Variants in FRMD3 observed in about 807,000 individuals in gnomAD.
FRMD3 encodes FERM domain containing 3.
A neutral mutation model predicts 70.2 loss-of-function variants in FRMD3; 33 were observed. The ratio of observed to expected loss-of-function variants is 0.47; its 90% CI spans 0.36 to 0.63. The LOEUF (loss-of-function observed/expected upper bound fraction) is 0.63. Among genes scored for constraint, FRMD3 ranks in the 20% least tolerant of loss-of-function variants. FRMD3 has a pLI of 0.00. For missense variants in FRMD3, 632 were observed against 711.4 expected, an observed-to-expected ratio of 0.89 and a Z score of 1.27; for synonymous variants, 279 against 255.9, an observed-to-expected ratio of 1.09 and a Z score of -0.86.
chr9:83,394,379 T>A (rs921040887), intron 1 of FRMD3, among the ~76,000 whole-genome samples: 5 of 152,170 alleles, frequency 3.3e-5, no homozygotes, highest in Non-Finnish European at 7.3e-5. Context: ...TGATTAGGGA[T>A]GGCTGGGTAA....
chr9:83,504,757 T>G (rs1829146048), intron 1 of FRMD3, among the ~76,000 whole-genome samples: 1 of 152,174 alleles, frequency 6.6e-6, no homozygotes. Flanking sequence ...TCACATCACC[T>G]GTGATAATTT....
At chr9:83,257,012 C>T (rs1832738421) in intron 13 of FRMD3, among the ~76,000 whole-genome samples, 1 of 152,166 alleles carries the variant, frequency 6.6e-6, no homozygotes, top group Middle Eastern at 3.2e-3. Context: ...CCAGCAATCT[C>T]ATTACTGGGT....
chr9:83,300,132 C>T (rs972639702), intron 10 of FRMD3, among the ~76,000 whole-genome samples: 15 of 152,212 alleles, frequency 9.9e-5, no homozygotes, highest in East Asian at 7.7e-4. Flanking sequence ...GAAGTTTCAG[C>T]GCAGTGATCC....
At chr9:83,288,813 A>G (rs990677639) in intron 13 of FRMD3, among the ~76,000 whole-genome samples, 7 of 152,244 alleles carry the variant, frequency 4.6e-5, no homozygotes, top group Admixed American at 4.6e-4. Context: ...AAATGGAGCA[A>G]AACAGATGTC....
intron 1 of FRMD3, among the ~76,000 whole-genome samples, chr9:83,436,555 T>C (rs1827140035): frequency 6.6e-6 from 1 of 151,550 alleles, no homozygotes; most frequent in Admixed American, 6.6e-5. Flanking sequence ...AAGAGATCAT[T>C]TGAAATATTG....
intron 13 of FRMD3, among the ~76,000 whole-genome samples, chr9:83,262,881 T>A (rs1250025837): frequency 6.6e-6 from 1 of 152,182 alleles, no homozygotes; most frequent in African/African-American, 2.4e-5. Context: ...TATGGCCCAT[T>A]TCTCTCCAAA....
At chr9:83,560,736 C>T in the FRMD3 span, among the ~76,000 whole-genome samples, 2 of 152,282 alleles carry the variant, frequency 1.3e-5, no homozygotes, top group Admixed American at 6.5e-5. Flanking sequence ...GAAATATAAG[C>T]AGAAGTGTTA....
chr9:83,558,408 A>G, the FRMD3 span, among the ~76,000 whole-genome samples: 7 of 152,334 alleles, frequency 4.6e-5, no homozygotes, highest in African/African-American at 1.7e-4. Context: ...TGATTAGTCA[A>G]TTTTATTAGT....
At chr9:83,452,724 C>T (rs922748688) in intron 1 of FRMD3, among the ~76,000 whole-genome samples, 16 of 152,102 alleles carry the variant, frequency 1.1e-4, no homozygotes, top group East Asian at 7.7e-4. Flanking sequence ...CCTCATGATC[C>T]GCCCGTCTCG....
At chr9:83,549,111 C>A in the FRMD3 span, among the ~76,000 whole-genome samples, 1 of 151,974 alleles carries the variant, frequency 6.6e-6, no homozygotes, top group African/African-American at 2.4e-5. Context: ...TTGTAACCTG[C>A]CCCCTCAAGA....
intron 1 of FRMD3, among the ~76,000 whole-genome samples, chr9:83,405,749 C>T (rs907557152): frequency 5.4e-5 from 8 of 148,218 alleles, no homozygotes; most frequent in East Asian, 2.0e-4. Flanking sequence ...GCAACAAGAG[C>T]GAAACTCAGT....
the FRMD3 span, among the ~76,000 whole-genome samples, chr9:83,572,211 C>T: frequency 6.6e-6 from 1 of 151,674 alleles, no homozygotes; most frequent in Non-Finnish European, 1.5e-5. Flanking sequence ...GTGGTAACAG[C>T]ACATTTGTAG....
intron 5 of FRMD3, among the ~76,000 whole-genome samples, chr9:83,338,475 T>A (rs1047260419): frequency 6.6e-6 from 1 of 152,174 alleles, no homozygotes; most frequent in Non-Finnish European, 1.5e-5. Flanking sequence ...AACTTGGGTG[T>A]TTATTGTTAG....
intron 1 of FRMD3, among the ~76,000 whole-genome samples, chr9:83,513,150 G>A (rs1405835710): frequency 6.6e-6 from 1 of 152,174 alleles, no homozygotes; most frequent in Non-Finnish European, 1.5e-5. Context: ...AAACCCAACA[G>A]ATCTTACCTC....
intron 6 of FRMD3, among the ~76,000 whole-genome samples, chr9:83,316,148 C>CTTTTTT (rs369641019): frequency 2.2e-5 from 3 of 134,510 alleles, no homozygotes; most frequent in African/African-American, 2.8e-5. Context: ...TCTTTTTTCT[C>CTTTTTT]TTTTTTTTTT....
At chr9:83,357,199 A>C (rs1429429047) in intron 3 of FRMD3, among the ~76,000 whole-genome samples, 1 of 112,326 alleles carries the variant, frequency 8.9e-6, no homozygotes, top group Non-Finnish European at 1.9e-5. Flanking sequence ...TTATGTATAT[A>C]TATAACATAC....
intron 1 of FRMD3, among the ~76,000 whole-genome samples, chr9:83,403,239 C>T (rs1338511894): frequency 6.6e-6 from 1 of 152,040 alleles, no homozygotes; most frequent in East Asian, 1.9e-4. Context: ...AATTCCCTCC[C>T]CCAGGCCAAA....
At chr9:83,283,548 ATAATAATAATAAT>A (rs1348566172) in intron 13 of FRMD3, among the ~76,000 whole-genome samples, 1,413 of 13,552 alleles carry the variant, frequency 0.1, 22 homozygotes, top group African/African-American at 0.14. Flanking sequence ...AAAAAAAAAA[ATAATAATAATAAT>A]AATAATAATA....
At chr9:83,557,121 G>T in the FRMD3 span, among the ~76,000 whole-genome samples, 1 of 152,068 alleles carries the variant, frequency 6.6e-6, no homozygotes, top group Non-Finnish European at 1.5e-5. Flanking sequence ...AAAGCAATAA[G>T]AAAAAGAGTT....
Sources: gnomAD v4.1 joint callset for allele counts (sites outside exome capture counted in the v4.1 genomes callset) on GRCh38, gnomAD v4.1.1 for gene constraint, MANE v1.5 for transcripts, NCBI Gene and HGNC (gene_info 2026-07-23, HGNC 2026-07-21) for gene names.